PEX7: variants seen among roughly 807,000 people sequenced by gnomAD.
PEX7 encodes PTS2 receptor.
Under a neutral mutation model 47.5 loss-of-function variants are expected in PEX7, and 34 were observed. The ratio of observed to expected loss-of-function variants is 0.72; its 90% confidence interval spans 0.54 to 0.95. The LOEUF (loss-of-function observed/expected upper bound fraction) is 0.95, where lower values mean the gene tolerates loss of function less well. PEX7 is among the 40% of genes least tolerant of loss of function. PEX7 has a pLI of 0.00. For synonymous variants in PEX7, 141 were observed against 148.8 expected (o/e 0.95, Z 0.38); for missense variants, 394 against 400.3 (o/e 0.98, Z 0.13).
chr6:136,827,441 T>C (rs1354266694), intron 3 of PEX7, among the ~76,000 whole-genome samples: 2 of 152,110 alleles, frequency 1.3e-5, no homozygotes, highest in East Asian at 3.9e-4. Context: ...GGATAATCAA[T>C]GCACGAATCT....
At chr6:136,876,125 C>A (rs1047770811) in intron 8 of PEX7, among the ~76,000 whole-genome samples, 2 of 151,966 alleles carry the variant, frequency 1.3e-5, no homozygotes, top group African/African-American at 2.4e-5. Flanking sequence ...GCAAGCTCCG[C>A]CTCCTGGGTT....
chr6:136,906,520 G>A (rs1775848030), intron 9 of PEX7, among the ~76,000 whole-genome samples: 1 of 151,880 alleles, frequency 6.6e-6, no homozygotes, highest in Non-Finnish European at 1.5e-5. Flanking sequence ...GTGTATGGGT[G>A]TAGTATTCCC....
intron 7 of PEX7, among the ~76,000 whole-genome samples, chr6:136,871,407 G>T (rs1256921141): frequency 6.6e-6 from 1 of 152,030 alleles, no homozygotes; most frequent in Non-Finnish European, 1.5e-5. Flanking sequence ...TAACTTAAGG[G>T]TGTTTTTATT....
Position 136,900,769 on chromosome 6 carries a change from G to T in PEX7, c.903+2528G>T. 3.0e-6 allele frequency: 1 copy of T among 338,710 alleles called. No individual in the cohort carries two copies. The highest frequency in any genetic ancestry group is 2.5e-5 in the South Asian group (1 of 39,864). 21.0% of individuals were successfully genotyped at this position (338,710 alleles called of 1,614,324 possible). ...GGTGTTAACCCCAGCTTGAAGGACA[G>T]GTGGTCTCTTAGTGGGGACATCCCC... is the stretch of plus-strand genomic sequence containing the variant. On this transcript the variant is annotated intron_variant, in intron 9 of 9. Transcript: ENST00000318471. The surrounding 1 kb of genome is among the most constrained non-coding windows in gnomAD (Gnocchi z 4.2).
rs1253376974 is a variant in PEX7 at position 136,822,616 on chromosome 6, C to T, written c.-50C>T. The T allele has an allele frequency of 1.3e-6, 2 of 1,500,080 alleles. No individual in the cohort carries two copies. The highest frequency in any genetic ancestry group is 1.2e-5 in the South Asian group (1 of 83,440). The allele number at this position is 1,500,080 out of a possible 1,614,324, so 92.9% of individuals were successfully genotyped here. ...TAACCGCGCCAGTGTGCCTCCGACT[C>T]GGAACGGCTTCCGCGGCCGGGGCAG... On this transcript the variant is annotated 5_prime_UTR_variant, in exon 1 of 10. Coordinates refer to ENST00000318471, the MANE Select transcript of PEX7 (RefSeq NM_000288.4).
At chr6:136,850,426 G>A (rs1241306550) in intron 5 of PEX7, among the ~76,000 whole-genome samples, 4 of 152,112 alleles carry the variant, frequency 2.6e-5, no homozygotes, top group Non-Finnish European at 4.4e-5. Flanking sequence ...TATTTTGCTC[G>A]TTAGTTGATG....
At chr6:136,912,244 G>C (rs942514425) in intron 9 of PEX7, among the ~76,000 whole-genome samples, 1 of 151,600 alleles carries the variant, frequency 6.6e-6, no homozygotes, top group East Asian at 1.9e-4. Flanking sequence ...TTTTGATTGA[G>C]TGTAACTTAC....
Position 136,900,570 on chromosome 6 carries a change from G to T in PEX7, c.903+2329G>T. ...TGTCTTCCGAGTTAATCTGTGTGAA[G>T]GTGATGGTGGTGTGGGTCATCCTGT... On this transcript the variant is annotated intron_variant, in intron 9 of 9. Transcript: ENST00000318471. The surrounding 1 kb of genome is among the most constrained non-coding windows in gnomAD (Gnocchi z 4.2). 1 of 409,340 alleles carries T rather than the reference G, an allele frequency of 2.4e-6. No homozygotes were observed. Among genetic ancestry groups the T allele is most frequent in the East Asian group, 7.2e-5 (1 of 13,832 alleles). 25.4% of individuals were successfully genotyped at this position (409,340 alleles called of 1,614,324 possible).
At chr6:136,833,106 A>C (rs1248830735) in intron 3 of PEX7, among the ~76,000 whole-genome samples, 1 of 152,198 alleles carries the variant, frequency 6.6e-6, no homozygotes, top group Non-Finnish European at 1.5e-5. Context: ...ATAAAGAAAT[A>C]CCTGAGGCTG....
At chr6:136,837,368 A>AAAAAAAAAAAAAAG (rs1338138222) in intron 3 of PEX7, among the ~76,000 whole-genome samples, 1 of 151,338 alleles carries the variant, frequency 6.6e-6, no homozygotes. Flanking sequence ...TCACAAAAAA[A>AAAAAAAAAAAAAAG]AAAAAAAGAA....
intron 8 of PEX7, among the ~76,000 whole-genome samples, chr6:136,894,928 A>G (rs76974553): frequency 0.03 from 4,546 of 152,306 alleles, 241 homozygotes; most frequent in African/African-American, 0.1. Context: ...TTAATGATAT[A>G]TGATAGTATG....
chr6:136,882,174 T>C (rs1160885218), intron 8 of PEX7, among the ~76,000 whole-genome samples: 1 of 137,836 alleles, frequency 7.3e-6, no homozygotes. Context: ...CTCTTCTTCT[T>C]CTTTTTTTTT....
At chr6:136,886,146 G>A (rs928944298) in intron 8 of PEX7, among the ~76,000 whole-genome samples, 15 of 152,198 alleles carry the variant, frequency 9.9e-5, no homozygotes, top group Non-Finnish European at 1.6e-4. Context: ...AGAGCAAGCA[G>A]CCCCATCTAG....
At chr6:136,850,360 T>G (rs971234590) in intron 5 of PEX7, among the ~76,000 whole-genome samples, 3 of 152,164 alleles carry the variant, frequency 2.0e-5, no homozygotes, top group Non-Finnish European at 2.9e-5. Context: ...CCATTTACAT[T>G]TAAGGTTAAT....
intron 3 of PEX7, among the ~76,000 whole-genome samples, chr6:136,842,058 G>A (rs1196257735): frequency 1.3e-5 from 2 of 150,780 alleles, no homozygotes; most frequent in Non-Finnish European, 3.0e-5. Flanking sequence ...AAGTGCAGTG[G>A]CACAATCTTG....
intron 5 of PEX7, among the ~76,000 whole-genome samples, chr6:136,856,655 G>A (rs1774867454): frequency 6.6e-6 from 1 of 152,186 alleles, no homozygotes; most frequent in Non-Finnish European, 1.5e-5. Context: ...ATTTTGATTG[G>A]CTTAGGCTTG....
intron 5 of PEX7, among the ~76,000 whole-genome samples, chr6:136,863,363 A>G (rs1367652614): frequency 6.6e-6 from 1 of 152,100 alleles, no homozygotes; most frequent in African/African-American, 2.4e-5. Flanking sequence ...TGTTACTCTC[A>G]TCTATCAAAG....
intron 9 of PEX7, among the ~76,000 whole-genome samples, chr6:136,908,716 C>T (rs2115292334): frequency 6.6e-6 from 1 of 152,232 alleles, no homozygotes; most frequent in African/African-American, 2.4e-5. Flanking sequence ...AGTTGGGATT[C>T]AGAAAAAAAC....
intron 5 of PEX7, among the ~76,000 whole-genome samples, chr6:136,864,576 C>T (rs1463191379): frequency 6.6e-6 from 1 of 152,166 alleles, no homozygotes; most frequent in Non-Finnish European, 1.5e-5. Context: ...TCTTATCTTT[C>T]TTAAGCAACT....
Sources: allele counts gnomAD v4.1 joint callset (sites outside exome capture counted in the v4.1 genomes callset), GRCh38; gene constraint gnomAD v4.1.1; non-coding constraint Gnocchi (gnomAD v3.1); transcripts MANE v1.5; gene names NCBI Gene and HGNC (gene_info 2026-07-23, HGNC 2026-07-21).